Variants in CDK14 observed in about 807,000 individuals in gnomAD.
CDK14 encodes the protein cyclin-dependent kinase 14.
CDK14 carries 34 observed loss-of-function variants against 60.7 expected under a neutral mutation model. The observed-to-expected ratio is 0.56, with a 90% CI of 0.43 to 0.75. The LOEUF is 0.75. Among genes scored for constraint, CDK14 ranks in the 30% least tolerant of loss-of-function variants. CDK14 has a pLI of 0.00. For synonymous variants in CDK14, 197 were observed against 203.7 expected (o/e 0.97, Z 0.28); for missense variants, 482 against 564.1 (o/e 0.85, Z 1.47).
At chr7:90,831,330 C>T (rs962364210) in intron 5 of CDK14, among the ~76,000 whole-genome samples, 7 of 152,020 alleles carry the variant, frequency 4.6e-5, no homozygotes, top group African/African-American at 9.7e-5. Context: ...AGAGAGAGAA[C>T]GATGGGTGAG....
chr7:90,909,067 G>A (rs1792806503), intron 7 of CDK14, among the ~76,000 whole-genome samples: 1 of 152,122 alleles, frequency 6.6e-6, no homozygotes, highest in African/African-American at 2.4e-5. Flanking sequence ...TTTTCATTTT[G>A]TATAAAAAAG....
At chr7:90,843,381 A>G (rs17163277) in intron 5 of CDK14, among the ~76,000 whole-genome samples, 22,255 of 152,180 alleles carry the variant, frequency 0.15, 1,793 homozygotes, top group Middle Eastern at 0.25. Context: ...AAAATTAATG[A>G]CTTGATTATT....
At chr7:90,889,660 A>G (rs1040776520) in intron 6 of CDK14, among the ~76,000 whole-genome samples, 2 of 152,242 alleles carry the variant, frequency 1.3e-5, no homozygotes, top group African/African-American at 4.8e-5. Flanking sequence ...TACGATAACT[A>G]CTTTTACCCT....
intron 10 of CDK14, among the ~76,000 whole-genome samples, chr7:91,038,408 T>C (rs1796991922): frequency 6.6e-6 from 1 of 152,144 alleles, no homozygotes; most frequent in Admixed American, 6.5e-5. Flanking sequence ...TTATTAACAC[T>C]TAGAGTCCAA....
chr7:90,669,763 T>C (rs549432930), intron 2 of CDK14, among the ~76,000 whole-genome samples: 2 of 152,316 alleles, frequency 1.3e-5, no homozygotes, highest in East Asian at 3.9e-4. Flanking sequence ...TGGTTGGAAC[T>C]GAGAACACAA....
At chr7:91,034,156 CTT>C (rs34848090) in intron 10 of CDK14, among the ~76,000 whole-genome samples, 1 of 152,038 alleles carries the variant, frequency 6.6e-6, no homozygotes, top group Non-Finnish European at 1.5e-5. Flanking sequence ...AGGCTGAAAA[CTT>C]TTTTTAAAAA....
chr7:91,193,747 A>G (rs1428073311), intron 14 of CDK14, among the ~76,000 whole-genome samples: 2 of 152,086 alleles, frequency 1.3e-5, no homozygotes, highest in South Asian at 2.1e-4. Flanking sequence ...TTTATACAGT[A>G]TATACAGTAC....
intron 7 of CDK14, 76 bp from the exon 8 acceptor site, chr7:90,917,525 A>C: frequency 7.1e-7 from 1 of 1,407,676 alleles, no homozygotes; most frequent in Non-Finnish European, 9.7e-7. Flanking sequence ...TATTAATACA[A>C]GTACTTAGCA....
At chr7:90,951,390 A>G (rs1794259222) in intron 8 of CDK14, among the ~76,000 whole-genome samples, 1 of 152,210 alleles carries the variant, frequency 6.6e-6, no homozygotes, top group African/African-American at 2.4e-5. Flanking sequence ...ACTCTGAAGT[A>G]ATGAAAGATA....
At chr7:91,012,181 T>C (rs1486957522) in intron 10 of CDK14, among the ~76,000 whole-genome samples, 2 of 152,182 alleles carry the variant, frequency 1.3e-5, no homozygotes, top group Non-Finnish European at 2.9e-5. Flanking sequence ...TAAATTTTTC[T>C]GCACTACTGA....
chr7:90,632,365 TG>T, intron 2 of CDK14: 1 of 309,944 alleles, frequency 3.2e-6, no homozygotes. Flanking sequence ...TTCAGTGCTG[TG>T]GGTGGTAATT....
At chr7:91,035,463 G>T (rs544210314) in intron 10 of CDK14, among the ~76,000 whole-genome samples, 1 of 152,234 alleles carries the variant, frequency 6.6e-6, no homozygotes, top group East Asian at 1.9e-4. Context: ...GCATAAGTCA[G>T]TCTCCCATTC....
intron 11 of CDK14, among the ~76,000 whole-genome samples, chr7:91,057,499 G>C (rs1346374493): frequency 6.6e-6 from 1 of 152,058 alleles, no homozygotes; most frequent in African/African-American, 2.4e-5. Flanking sequence ...GTCCTGAATG[G>C]TATTGCCTAG....
chr7:91,092,157 C>T (rs754678370), intron 12 of CDK14, among the ~76,000 whole-genome samples: 1 of 152,126 alleles, frequency 6.6e-6, no homozygotes, highest in Admixed American at 6.6e-5. Flanking sequence ...GAAATGTCAC[C>T]TTTCCATTAT....
At chr7:90,682,313 T>C (rs1206638243) in intron 2 of CDK14, among the ~76,000 whole-genome samples, 2 of 152,224 alleles carry the variant, frequency 1.3e-5, no homozygotes, top group Non-Finnish European at 2.9e-5. Flanking sequence ...TTTAAAACTT[T>C]TTCTTTGGAA....
intron 5 of CDK14, among the ~76,000 whole-genome samples, chr7:90,823,896 C>T (rs1200295515): frequency 6.6e-6 from 1 of 152,078 alleles, no homozygotes; most frequent in Non-Finnish European, 1.5e-5. Context: ...ATAAAGATGG[C>T]ACATAGTAGG....
chr7:90,894,406 C>T (rs773491927), intron 6 of CDK14, among the ~76,000 whole-genome samples: 2 of 152,072 alleles, frequency 1.3e-5, no homozygotes, highest in East Asian at 1.9e-4. Context: ...ATGATGTGTG[C>T]GCATACACAT....
At chr7:90,742,533 A>G (rs919952931) in intron 3 of CDK14, among the ~76,000 whole-genome samples, 2 of 151,960 alleles carry the variant, frequency 1.3e-5, no homozygotes, top group East Asian at 3.8e-4. Flanking sequence ...TTTATTAATC[A>G]TGTTTATAAT....
chr7:91,063,087 A>G (rs1797858430), intron 11 of CDK14, among the ~76,000 whole-genome samples: 2 of 152,236 alleles, frequency 1.3e-5, no homozygotes, highest in Admixed American at 6.5e-5. Context: ...GAAAGTTGGA[A>G]GAGAGGAGGG....
Sources: gnomAD v4.1 joint callset for allele counts (sites outside exome capture counted in the v4.1 genomes callset) on GRCh38, gnomAD v4.1.1 for gene constraint, MANE v1.5 for transcripts, NCBI Gene and HGNC (gene_info 2026-07-23, HGNC 2026-07-21) for gene names.